Variants in C1QTNF6 observed in about 807,000 individuals in gnomAD.
C1QTNF6 encodes C1q and TNF related 6.
C1QTNF6 carries 17 observed loss-of-function variants against 20.7 expected under a neutral mutation model. The ratio of observed to expected loss-of-function variants is 0.82; its 90% CI spans 0.56 to 1.23. The LOEUF is 1.23. Ranked by LOEUF, C1QTNF6 falls within the 50% of genes most tolerant of loss-of-function variation. The pLI, the probability that C1QTNF6 is intolerant of heterozygous loss-of-function variation, is 0.00. For synonymous variants in C1QTNF6, 130 were observed against 156.3 expected, an observed-to-expected ratio of 0.83 and a Z score of 1.25; for missense variants, 329 against 389.7, an observed-to-expected ratio of 0.84 and a Z score of 1.31.
In C1QTNF6 at chr22:37,182,206, G is replaced by A. The variant is rs372253387; in HGVS notation, c.819C>T (p.Ile273=). 2 of 1,612,776 alleles carry A rather than the reference G, an allele frequency of 1.2e-6. No homozygotes were observed. The highest frequency in any genetic ancestry group is 1.7e-6 in the Non-Finnish European group (2 of 1,179,088). ...DTYITFSGHL[I]KAEDD Reference sequence around the variant, plus strand: ...GAGGCCCTCAGTCGTCCTCGGCCTTGATGAGGTGGCCGCTGAAGGTGATGT... The same window carrying A: ...GAGGCCCTCAGTCGTCCTCGGCCTTAATGAGGTGGCCGCTGAAGGTGATGT... The change falls in exon 3 of 3, where the codon ATC becomes ATT. Residue 273 remains isoleucine, a synonymous_variant. Coordinates refer to ENST00000337843, the MANE Select transcript of C1QTNF6 (RefSeq NM_031910.4).
At chr22:37,193,014 C>T (rs1924911185), upstream of C1QTNF6, among the ~76,000 whole-genome samples, 2 of 152,052 alleles carry the variant, frequency 1.3e-5, no homozygotes, top group African/African-American at 4.8e-5. Context: ...AGGGAATCAG[C>T]CCATCCCCCA....
At chr22:37,195,102 GTCAC>G (rs1467933746) in intron 2 of C1QTNF6, among the ~76,000 whole-genome samples, 2 of 152,212 alleles carry the variant, frequency 1.3e-5, no homozygotes, top group Non-Finnish European at 2.9e-5. Context: ...GCCTAATCCT[GTCAC>G]TCACAGCTGT....
exon 2 of C1QTNF6, chr22:37,195,428 GTGT>G (rs1925081566): frequency 6.6e-6 from 1 of 152,168 alleles, no homozygotes; most frequent in Non-Finnish European, 1.5e-5. Context: ...TGGGTTGAGG[GTGT>G]TTTCTGGTAT....
intron 1 of C1QTNF6, chr22:37,195,581 TAAAG>T (rs916932917): frequency 9.2e-5 from 14 of 152,140 alleles, no homozygotes; most frequent in African/African-American, 3.4e-4. Context: ...TACAGAGAAG[TAAAG>T]AAACAAAAGA....
Position 37,181,075 on chromosome 22 carries a change from T to G in C1QTNF6, c.*1113A>C, listed in dbSNP as rs1650044021. ...CCACCGGGACCCCGTCCCACCAGCC[T>G]TGGGGAGCAGTGGGTAATGGAGGAC... On this transcript the variant is annotated 3_prime_UTR_variant, in exon 3 of 3. Transcript: ENST00000337843. The G allele has an allele frequency of 6.5e-6, 1 of 152,798 alleles. No individual in the cohort carries two copies. Among genetic ancestry groups the G allele is most frequent in the African/African-American group, 2.4e-5 (1 of 41,458 alleles). 9.5% of individuals were successfully genotyped at this position (152,798 alleles called of 1,614,324 possible). A position where few individuals can be genotyped will look rare whatever the true frequency, so the allele number is the denominator to read the frequency against.
Position 37,184,506 on chromosome 22 carries a change from G to A in C1QTNF6, c.289+712C>T, listed in dbSNP as rs1438288087. ...ACCTGGATGCCTTTCACCTGGACGG[G>A]CCCTCACCTGGACAGCCCTCACCTG... is the stretch of plus-strand genomic sequence containing the variant. On this transcript the variant is annotated intron_variant, in intron 2 of 2. Coordinates refer to ENST00000337843, the MANE Select transcript of C1QTNF6 (RefSeq NM_031910.4). The surrounding 1 kb of genome is among the most constrained non-coding windows in gnomAD (Gnocchi z 4.0). 6 of 680,192 alleles carry A rather than the reference G, an allele frequency of 8.8e-6. No individual in the cohort carries two copies. The highest frequency in any genetic ancestry group is 1.1e-5 in the Non-Finnish European group (4 of 369,756). The allele number at this position is 680,192 out of a possible 1,614,324, so 42.1% of individuals were successfully genotyped here.
At chr22:37,195,599 G>A (rs542332266) in intron 1 of C1QTNF6, 2 of 152,148 alleles carry the variant, frequency 1.3e-5, no homozygotes, top group Non-Finnish European at 1.5e-5. Flanking sequence ...CAAAAGAATG[G>A]CTACTCCATA....
At position 37,182,154 on chromosome 22, in the gene C1QTNF6, G is replaced by A. The variant is rs752906891; in HGVS notation, c.*34C>T. On this transcript the variant is annotated 3_prime_UTR_variant, in exon 3 of 3. Coordinates refer to ENST00000337843, the MANE Select transcript of C1QTNF6 (RefSeq NM_031910.4). ...CCTGCAGGGGACGGGACCAGCACCT[G>A]AGCTCTCCAGCCGGGAGGGTGGCCC... 3.8e-6 allele frequency: 6 copies of A among 1,580,692 alleles called. No individual in the cohort carries two copies. The African/African-American group carries it at 5.4e-5, about 14-fold the overall frequency.
At position 37,182,698 on chromosome 22, in the gene C1QTNF6, C is replaced by T. The variant is rs756293028; in HGVS notation, c.327G>A (p.Gly109=). 1.9e-6 allele frequency: 3 copies of T among 1,612,040 alleles called. No individual in the cohort carries two copies. Among genetic ancestry groups the T allele is most frequent in the Middle Eastern group, 1.6e-4 (1 of 6,082 alleles). The change falls in exon 3 of 3, where the codon GGG becomes GGA. Residue 109 remains glycine (G), a synonymous_variant. Coordinates refer to ENST00000337843, the MANE Select transcript of C1QTNF6 (RefSeq NM_031910.4). ...KGDPGPMGLP[G]YMGREGPQGE... ...CTTGGGGACCCTCCCTGCCCATGTA[C>T]CCTGGCAGGCCCATTGGGCCTGGGT...
upstream of C1QTNF6, among the ~76,000 whole-genome samples, chr22:37,189,148 C>T (rs1176339789): frequency 6.6e-6 from 1 of 152,138 alleles, no homozygotes; most frequent in Non-Finnish European, 1.5e-5. Context: ...CCGGACATTG[C>T]CATGGTATTT....
At chr22:37,183,575 T>C (rs1296797022) in intron 2 of C1QTNF6, among the ~76,000 whole-genome samples, 6 of 152,202 alleles carry the variant, frequency 3.9e-5, no homozygotes, top group Admixed American at 2.0e-4. Flanking sequence ...CTGCCACCTG[T>C]CACAGTGCCT....
At chr22:37,188,275 C>A (rs1924553745), upstream of C1QTNF6, 1 of 1,415,466 alleles carries the variant, frequency 7.1e-7, no homozygotes. Context: ...GACCCCCAGG[C>A]CCAGCAGAGG....
chr22:37,198,975 G>A (rs1925323300), upstream of C1QTNF6, among the ~76,000 whole-genome samples: 1 of 152,268 alleles, frequency 6.6e-6, no homozygotes, highest in Admixed American at 6.5e-5. Flanking sequence ...CAGCGGAGTT[G>A]GGCGGGCTGT....
intron 1 of C1QTNF6, among the ~76,000 whole-genome samples, chr22:37,186,368 C>G (rs1283648805): frequency 6.6e-6 from 1 of 152,184 alleles, no homozygotes; most frequent in African/African-American, 2.4e-5. Flanking sequence ...ATCTATGCAA[C>G]CCAACCTTAT....
At chr22:37,188,470 C>G (rs2145774165), upstream of C1QTNF6, 1 of 402,288 alleles carries the variant, frequency 2.5e-6, no homozygotes, top group Non-Finnish European at 4.5e-6. Context: ...TTGCTTGATT[C>G]AAAGGCCTAG....
upstream of C1QTNF6, among the ~76,000 whole-genome samples, chr22:37,189,350 C>T (rs1398032275): frequency 6.6e-6 from 1 of 152,136 alleles, no homozygotes; most frequent in Non-Finnish European, 1.5e-5. Flanking sequence ...GATACCAGTC[C>T]TGCCAACTTC....
intron 2 of C1QTNF6, among the ~76,000 whole-genome samples, chr22:37,195,163 T>C (rs1397090373): frequency 6.6e-6 from 1 of 152,224 alleles, no homozygotes; most frequent in African/African-American, 2.4e-5. Flanking sequence ...TAGTGGTTAA[T>C]ATCCCATAGT....
chr22:37,188,309 G>A, upstream of C1QTNF6: 2 of 1,137,470 alleles, frequency 1.8e-6, no homozygotes, highest in Non-Finnish European at 2.4e-6. Flanking sequence ...GGGATGGAGG[G>A]AGAGAGGGCG....
chr22:37,183,392 G>C (rs780759181), intron 2 of C1QTNF6, among the ~76,000 whole-genome samples: 4 of 152,256 alleles, frequency 2.6e-5, no homozygotes, highest in Non-Finnish European at 5.9e-5. Flanking sequence ...CTAAGAGGCA[G>C]AACAGTTCAC....
Sources: allele counts gnomAD v4.1 joint callset (sites outside exome capture counted in the v4.1 genomes callset), GRCh38; gene constraint gnomAD v4.1.1; non-coding constraint Gnocchi (gnomAD v3.1); transcripts MANE v1.5; gene names NCBI Gene and HGNC (gene_info 2026-07-23, HGNC 2026-07-21).